Variants in DTNB observed in about 807,000 individuals in gnomAD.
DTNB encodes DTN-B.
Under a neutral mutation model 90.7 loss-of-function variants are expected in DTNB, and 63 were observed. The ratio of observed to expected loss-of-function variants is 0.69; its 90% CI spans 0.57 to 0.86. The LOEUF (loss-of-function observed/expected upper bound fraction) is 0.86, where lower values mean the gene tolerates loss of function less well. Ranked by LOEUF, DTNB falls within the 40% of genes least tolerant of loss-of-function variation. DTNB has a pLI of 0.00. For missense variants in DTNB, 744 were observed against 807.1 expected, an observed-to-expected ratio of 0.92 and a Z score of 0.95; for synonymous variants, 277 against 286.7, an observed-to-expected ratio of 0.97 and a Z score of 0.34.
intron 3 of DTNB, 120 bp from the exon 4 acceptor site, chr2:25,628,504 C>T: frequency 2.1e-6 from 2 of 937,646 alleles, no homozygotes; most frequent in Admixed American, 5.6e-5. Flanking sequence ...CTTTAGCCAA[C>T]AATGAGGAAA....
At chr2:25,449,633 G>A (rs1347762505) in intron 12 of DTNB, among the ~76,000 whole-genome samples, 2 of 152,100 alleles carry the variant, frequency 1.3e-5, no homozygotes, top group Non-Finnish European at 2.9e-5. Flanking sequence ...ATCTGTTCAA[G>A]TCTTTTGCTC....
intron 8 of DTNB, among the ~76,000 whole-genome samples, chr2:25,548,614 C>T (rs924108328): frequency 5.3e-5 from 8 of 151,870 alleles, no homozygotes; most frequent in South Asian, 2.1e-4. Flanking sequence ...AAGATGTGAG[C>T]GCAGTCAGCC....
chr2:25,566,985 C>T (rs933038649), intron 8 of DTNB, among the ~76,000 whole-genome samples: 6 of 152,174 alleles, frequency 3.9e-5, no homozygotes, highest in Non-Finnish European at 5.9e-5. Flanking sequence ...TAAACAAGGA[C>T]ACTGACTGAT....
At chr2:25,489,001 G>A (rs2066792229) in intron 9 of DTNB, among the ~76,000 whole-genome samples, 1 of 152,108 alleles carries the variant, frequency 6.6e-6, no homozygotes, top group Admixed American at 6.6e-5. Flanking sequence ...GAGAGGTTTG[G>A]GGACCTATGC....
chr2:25,591,238 C>T lies in DTNB; in HGVS notation c.603+4848G>A, dbSNP rs138405344. 7.9e-3 allele frequency among the ~76,000 whole-genome samples: 1,200 copies of T among 152,342 alleles called. 11 individuals carry two copies. Among genetic ancestry groups the T allele is most frequent in the Non-Finnish European group, 0.013 (888 of 68,018 alleles). ...CAGGCCCCTGACAGTGCAGAGATGCCTGGTCTGCAGCCATGGCTTGACCGG... is the reference window on the plus strand; with the variant it reads ...CAGGCCCCTGACAGTGCAGAGATGCTTGGTCTGCAGCCATGGCTTGACCGG... On this transcript the variant is annotated intron_variant, in intron 6 of 20. Transcript: ENST00000406818.
chr2:25,570,614 G>A (rs2059723687), intron 8 of DTNB, among the ~76,000 whole-genome samples: 1 of 151,906 alleles, frequency 6.6e-6, no homozygotes, highest in African/African-American at 2.4e-5. Flanking sequence ...TTCCTTACTT[G>A]ACTGTTGGCA....
At chr2:25,582,291 G>C (rs764669904) in intron 6 of DTNB, among the ~76,000 whole-genome samples, 1 of 152,202 alleles carries the variant, frequency 6.6e-6, no homozygotes, top group African/African-American at 2.4e-5. Flanking sequence ...ACCAACCACC[G>C]GAACCTCCCA....
intron 16 of DTNB, among the ~76,000 whole-genome samples, chr2:25,403,562 C>G (rs185736706): frequency 6.6e-6 from 1 of 152,302 alleles, no homozygotes; most frequent in African/African-American, 2.4e-5. Flanking sequence ...GCTAGGTTCT[C>G]AGGAGGATGT....
intron 9 of DTNB, among the ~76,000 whole-genome samples, chr2:25,516,369 C>T (rs1253057075): frequency 1.3e-5 from 2 of 151,724 alleles, no homozygotes; most frequent in African/African-American, 4.9e-5. Context: ...ACCTCAGCCA[C>T]CTGAGTAGCT....
intron 9 of DTNB, among the ~76,000 whole-genome samples, chr2:25,524,299 T>C (rs1575379595): frequency 6.6e-6 from 1 of 151,230 alleles, no homozygotes; most frequent in African/African-American, 2.4e-5. Context: ...CTGTAAGACA[T>C]AGAAACTCAA....
At chr2:25,495,183 G>A (rs679112) in intron 9 of DTNB, among the ~76,000 whole-genome samples, 101,404 of 151,716 alleles carry the variant, frequency 0.67, 34,658 homozygotes, top group South Asian at 0.76. Flanking sequence ...CTCTTGCTTC[G>A]GCCTCCCAAG....
intron 9 of DTNB, among the ~76,000 whole-genome samples, chr2:25,504,305 A>AAAGAAAGAAAGAAGGG (rs1309013723): frequency 3.3e-5 from 5 of 151,170 alleles, no homozygotes; most frequent in East Asian, 1.9e-4. Context: ...AGAAAGAAGG[A>AAAGAAAGAAAGAAGGG]AAGAAAGAAA....
intron 3 of DTNB, among the ~76,000 whole-genome samples, chr2:25,638,789 A>C (rs905830725): frequency 2.6e-5 from 4 of 152,222 alleles, no homozygotes; most frequent in African/African-American, 9.6e-5. Context: ...AAGAACATTA[A>C]TACTACAACA....
intron 15 of DTNB, 101 bp from the exon 16 acceptor site, chr2:25,419,636 A>G: frequency 1.4e-6 from 2 of 1,463,988 alleles, no homozygotes; most frequent in Non-Finnish European, 1.8e-6. Flanking sequence ...AATGATAGAA[A>G]AATCAGGCAA....
intron 2 of DTNB, among the ~76,000 whole-genome samples, chr2:25,651,442 T>C (rs2080919504): frequency 1.3e-5 from 2 of 152,358 alleles, no homozygotes; most frequent in South Asian, 4.1e-4. Flanking sequence ...AGATGCCTTC[T>C]GATTTCTTTG....
intron 8 of DTNB, among the ~76,000 whole-genome samples, chr2:25,559,969 G>A (rs2058002685): frequency 6.6e-6 from 1 of 152,220 alleles, no homozygotes; most frequent in Admixed American, 6.5e-5. Flanking sequence ...AAGGGGCCGG[G>A]CGTGGTGGGT....
At chr2:25,612,038 C>T (rs1009175152) in intron 4 of DTNB, among the ~76,000 whole-genome samples, 4 of 152,098 alleles carry the variant, frequency 2.6e-5, no homozygotes, top group Non-Finnish European at 4.4e-5. Flanking sequence ...GAAAACTGTT[C>T]CATTCTTTTC....
intron 9 of DTNB, among the ~76,000 whole-genome samples, chr2:25,522,479 G>A (rs1326921576): frequency 6.6e-6 from 1 of 152,080 alleles, no homozygotes; most frequent in East Asian, 1.9e-4. Flanking sequence ...GCACCAAGCA[G>A]TATTTCAGGT....
chr2:25,434,156 A>G (rs1413420639), intron 12 of DTNB, among the ~76,000 whole-genome samples, 161 bp from the exon 13 acceptor site: 2 of 152,152 alleles, frequency 1.3e-5, no homozygotes, highest in African/African-American at 4.8e-5. Context: ...GTAAATTTAA[A>G]CAGTTGTGCA....
Sources: gnomAD v4.1 joint callset for allele counts (sites outside exome capture counted in the v4.1 genomes callset) on GRCh38, gnomAD v4.1.1 for gene constraint, MANE v1.5 for transcripts, NCBI Gene and HGNC (gene_info 2026-07-23, HGNC 2026-07-21) for gene names.